Variants in PLCB4 observed in about 807,000 individuals in gnomAD.
The protein encoded by PLCB4 is phospholipase C beta 4.
Under a neutral mutation model 178.8 loss-of-function variants are expected in PLCB4, and 77 were observed. The ratio of observed to expected loss-of-function variants is 0.43; its 90% CI spans 0.36 to 0.52. The LOEUF is 0.52. PLCB4 is among the 20% of genes least tolerant of loss of function. The pLI, the probability that PLCB4 is intolerant of heterozygous loss-of-function variation, is 0.00. For missense variants in PLCB4, 1,024 were observed against 1,453.4 expected (o/e 0.70, Z 4.80); for synonymous variants, 496 against 490.8 (o/e 1.01, Z -0.14).
intron 3 of PLCB4, among the ~76,000 whole-genome samples, chr20:9,258,806 G>A (rs1842336616): frequency 6.6e-6 from 1 of 151,600 alleles, no homozygotes; most frequent in African/African-American, 2.4e-5. Flanking sequence ...TTCTGAACCT[G>A]CAATTTTGTT....
At chr20:9,459,568 T>A (rs1037706270) in intron 34 of PLCB4, 67 bp from the exon 35 acceptor site, 3 of 1,169,424 alleles carry the variant, frequency 2.6e-6, no homozygotes, top group Admixed American at 4.3e-5. Context: ...CTGAATAATG[T>A]TGTGCTTTTG....
chr20:9,250,015 A>G (rs1291134186), intron 3 of PLCB4, among the ~76,000 whole-genome samples: 1 of 152,234 alleles, frequency 6.6e-6, no homozygotes, highest in Non-Finnish European at 1.5e-5. Flanking sequence ...TTGACAGACT[A>G]TTATCAGCAC....
chr20:9,205,233 A>G (rs1368158460), intron 2 of PLCB4, among the ~76,000 whole-genome samples: 1 of 152,232 alleles, frequency 6.6e-6, no homozygotes, highest in Non-Finnish European at 1.5e-5. Context: ...ACGCTTAACT[A>G]TAAAATAGGC....
chr20:9,459,917 A>G, intron 35 of PLCB4, 107 bp downstream of exon 35: 1 of 684,918 alleles, frequency 1.5e-6, no homozygotes, highest in Non-Finnish European at 2.5e-6. Context: ...TTTGACGTAC[A>G]ACATGTAGCT....
intron 38 of PLCB4, among the ~76,000 whole-genome samples, chr20:9,475,144 G>A (rs2044461946): frequency 6.6e-6 from 1 of 152,158 alleles, no homozygotes. Context: ...GAAAGGTAAG[G>A]CACAGTTATG....
chr20:9,068,804 GGA>G (rs2089405906), upstream of PLCB4: 1 of 151,498 alleles, frequency 6.6e-6, no homozygotes, highest in Non-Finnish European at 1.5e-5. Flanking sequence ...GGCGGGGCCC[GGA>G]GCGGGGGACG....
At chr20:9,169,904 G>A (rs2093036186) in intron 2 of PLCB4, among the ~76,000 whole-genome samples, 1 of 151,950 alleles carries the variant, frequency 6.6e-6, no homozygotes, top group Admixed American at 6.6e-5. Context: ...TATTTTTGAT[G>A]GATTTAAAAA....
chr20:9,348,818 G>T (rs549351514), intron 7 of PLCB4, among the ~76,000 whole-genome samples: 3 of 152,178 alleles, frequency 2.0e-5, no homozygotes, highest in African/African-American at 7.2e-5. Flanking sequence ...TTTGTCACCT[G>T]TATCAGTGAA....
At chr20:9,260,433 G>T (rs543319164) in intron 3 of PLCB4, among the ~76,000 whole-genome samples, 41 of 152,174 alleles carry the variant, frequency 2.7e-4, no homozygotes, top group African/African-American at 9.6e-4. Context: ...ATTTTAGAAT[G>T]TGTGTGCCAT....
At chr20:9,078,961 G>T (rs2090013842) in intron 1 of PLCB4, among the ~76,000 whole-genome samples, 1 of 152,068 alleles carries the variant, frequency 6.6e-6, no homozygotes, top group East Asian at 1.9e-4. Context: ...GAAAAATTCT[G>T]GTTTGGTTGG....
At chr20:9,122,561 AT>A (rs1461783415) in intron 2 of PLCB4, among the ~76,000 whole-genome samples, 3 of 152,154 alleles carry the variant, frequency 2.0e-5, no homozygotes, top group South Asian at 2.1e-4. Context: ...ATCATAGTCA[AT>A]TTCACAAGAC....
At chr20:9,413,952 A>G (rs1195576731) in intron 25 of PLCB4, among the ~76,000 whole-genome samples, 2 of 152,088 alleles carry the variant, frequency 1.3e-5, no homozygotes, top group African/African-American at 2.4e-5. Flanking sequence ...GGGTTTCACC[A>G]TGTTGCCCAG....
chr20:9,110,310 A>G (rs13040490), intron 2 of PLCB4, among the ~76,000 whole-genome samples: 20,804 of 152,192 alleles, frequency 0.14, 1,482 homozygotes, highest in Middle Eastern at 0.19. Flanking sequence ...TCAATGAAAT[A>G]TGAATCTTTA....
intron 3 of PLCB4, among the ~76,000 whole-genome samples, chr20:9,252,646 T>G (rs2094193294): frequency 6.6e-6 from 1 of 152,164 alleles, no homozygotes; most frequent in Non-Finnish European, 1.5e-5. Context: ...TAGTAAAATA[T>G]TCTGCATATG....
At chr20:9,092,766 G>A (rs1238639213) in intron 1 of PLCB4, among the ~76,000 whole-genome samples, 1 of 152,126 alleles carries the variant, frequency 6.6e-6, no homozygotes, top group Non-Finnish European at 1.5e-5. Flanking sequence ...CTTCATAGGT[G>A]TGAGATGGCT....
intron 2 of PLCB4, among the ~76,000 whole-genome samples, chr20:9,097,525 T>C (rs931899490): frequency 4.6e-5 from 7 of 152,142 alleles, no homozygotes; most frequent in African/African-American, 1.7e-4. Flanking sequence ...TAGTTGGCTC[T>C]CAGACTGTAA....
chr20:9,351,574 C>T (rs2034347997), intron 7 of PLCB4, among the ~76,000 whole-genome samples: 1 of 152,160 alleles, frequency 6.6e-6, no homozygotes, highest in African/African-American at 2.4e-5. Context: ...CTTCACTCCT[C>T]ACTGTTTTCT....
At chr20:9,333,999 C>G (rs1225556743) in intron 4 of PLCB4, among the ~76,000 whole-genome samples, 1 of 152,048 alleles carries the variant, frequency 6.6e-6, no homozygotes, top group Non-Finnish European at 1.5e-5. Flanking sequence ...TTTGAACTCA[C>G]AGAGGAGAGG....
intron 33 of PLCB4, among the ~76,000 whole-genome samples, chr20:9,456,755 AATTAT>A (rs1395730426): frequency 6.6e-6 from 1 of 152,214 alleles, no homozygotes; most frequent in African/African-American, 2.4e-5. Flanking sequence ...AGGAACTTGG[AATTAT>A]ATTATAAGGA....
Sources: gnomAD v4.1 joint callset for allele counts (sites outside exome capture counted in the v4.1 genomes callset) on GRCh38, gnomAD v4.1.1 for gene constraint, MANE v1.5 for transcripts, NCBI Gene and HGNC (gene_info 2026-07-23, HGNC 2026-07-21) for gene names.